PABPC4L: variants seen among roughly 807,000 people sequenced by gnomAD.
The protein encoded by PABPC4L is poly(A) binding protein cytoplasmic 4 like.
For synonymous variants in PABPC4L, 169 were observed against 164.1 expected (o/e 1.03, Z -0.23); for missense variants, 452 against 451.4 (o/e 1.00, Z -0.01).
the PABPC4L span, among the ~76,000 whole-genome samples, chr4:133,950,872 CT>C: frequency 6.6e-6 from 1 of 152,282 alleles, no homozygotes; most frequent in South Asian, 2.1e-4. Flanking sequence ...ACCCATTCCC[CT>C]GTAACAATTA....
chr4:134,017,009 C>T, the PABPC4L span, among the ~76,000 whole-genome samples: 6 of 152,136 alleles, frequency 3.9e-5, no homozygotes, highest in Non-Finnish European at 5.9e-5. Context: ...AGAAGGCCAC[C>T]GCGGTCATTT....
chr4:133,998,967 A>G, the PABPC4L span, among the ~76,000 whole-genome samples: 42 of 152,108 alleles, frequency 2.8e-4, no homozygotes, highest in African/African-American at 8.2e-4. Context: ...GCTGATCAAT[A>G]GACCCTCATT....
At chr4:134,140,754 G>C in the PABPC4L span, among the ~76,000 whole-genome samples, 1 of 151,730 alleles carries the variant, frequency 6.6e-6, no homozygotes, top group Admixed American at 6.6e-5. Context: ...ATATGTAGGA[G>C]TTTTGACTAG....
the PABPC4L span, among the ~76,000 whole-genome samples, chr4:133,971,597 C>A: frequency 6.6e-6 from 1 of 152,250 alleles, no homozygotes; most frequent in African/African-American, 2.4e-5. Context: ...CACTCAGCAA[C>A]CAAAATCTCA....
the PABPC4L span, among the ~76,000 whole-genome samples, chr4:134,153,029 G>A: frequency 6.6e-6 from 1 of 152,070 alleles, no homozygotes; most frequent in Admixed American, 6.6e-5. Context: ...CACTAGAAAG[G>A]TTAATCTAGT....
At chr4:134,151,445 G>A in the PABPC4L span, among the ~76,000 whole-genome samples, 3 of 151,952 alleles carry the variant, frequency 2.0e-5, no homozygotes, top group East Asian at 1.9e-4. Flanking sequence ...AATGTCTTAA[G>A]AATAGAATCG....
At chr4:134,059,826 G>A in the PABPC4L span, among the ~76,000 whole-genome samples, 7 of 151,980 alleles carry the variant, frequency 4.6e-5, no homozygotes, top group South Asian at 4.1e-4. Flanking sequence ...TCATCTCCCC[G>A]ACAGGAATAC....
the PABPC4L span, among the ~76,000 whole-genome samples, chr4:133,995,640 A>G: frequency 3.9e-5 from 6 of 152,156 alleles, no homozygotes; most frequent in Non-Finnish European, 7.4e-5. Flanking sequence ...TTTGGTCCCA[A>G]GCCCTGAGAG....
At chr4:134,117,576 G>A in the PABPC4L span, among the ~76,000 whole-genome samples, 1 of 151,654 alleles carries the variant, frequency 6.6e-6, no homozygotes, top group Non-Finnish European at 1.5e-5. Context: ...TAAAATTATT[G>A]TTGGTTTGAA....
At chr4:134,135,278 T>C in the PABPC4L span, among the ~76,000 whole-genome samples, 1 of 152,142 alleles carries the variant, frequency 6.6e-6, no homozygotes, top group Non-Finnish European at 1.5e-5. Flanking sequence ...CTGATTTTGC[T>C]CTACCATCTG....
the PABPC4L span, among the ~76,000 whole-genome samples, chr4:134,072,870 A>G: frequency 2.6e-5 from 4 of 152,124 alleles, no homozygotes; most frequent in African/African-American, 9.7e-5. Context: ...AACAGATTTC[A>G]TGAGAACTCA....
chr4:134,062,941 G>T, the PABPC4L span, among the ~76,000 whole-genome samples: 5 of 152,188 alleles, frequency 3.3e-5, no homozygotes, highest in East Asian at 9.7e-4. Context: ...CAATGTTAAT[G>T]CTTCATGTTT....
the PABPC4L span, among the ~76,000 whole-genome samples, chr4:133,951,771 G>T: frequency 1.1e-4 from 16 of 152,136 alleles, no homozygotes; most frequent in South Asian, 3.3e-3. Context: ...TACTAGAAGG[G>T]TAACCCCATT....
At position 134,197,003 on chromosome 4, in the gene PABPC4L, G is replaced by C. The variant is rs1307684576; in HGVS notation, c.*2904C>G. ...GATTATGTAAGCATTATCAAATATT[G>C]TTCAAATATTTGAACAGTTTTACAG... On this transcript the variant is annotated 3_prime_UTR_variant, in exon 2 of 2. Transcript: ENST00000421491. 1 of 151,520 alleles carries C rather than the reference G, an allele frequency of 6.6e-6. No homozygotes were observed. Among genetic ancestry groups the C allele is most frequent in the African/African-American group, 2.4e-5 (1 of 41,368 alleles). The allele number at this position is 151,520 out of a possible 1,614,324, so 9.4% of individuals were successfully genotyped here.
chr4:134,009,190 T>A, the PABPC4L span, among the ~76,000 whole-genome samples: 22,709 of 151,770 alleles, frequency 0.15, 2,003 homozygotes, highest in Non-Finnish European at 0.19. Flanking sequence ...ATTAAAAATA[T>A]ACACACATAT....
the PABPC4L span, among the ~76,000 whole-genome samples, chr4:134,156,927 G>C: frequency 6.6e-6 from 1 of 151,880 alleles, no homozygotes; most frequent in African/African-American, 2.4e-5. Context: ...TCTAATTTAG[G>C]TGACAATTCC....
the PABPC4L span, among the ~76,000 whole-genome samples, chr4:133,989,225 T>G: frequency 2.6e-5 from 4 of 152,204 alleles, no homozygotes; most frequent in Non-Finnish European, 4.4e-5. Flanking sequence ...TCCTCATTGC[T>G]TATGCAAATT....
the PABPC4L span, among the ~76,000 whole-genome samples, chr4:133,957,294 G>T: frequency 6.6e-6 from 1 of 152,162 alleles, no homozygotes; most frequent in Non-Finnish European, 1.5e-5. Context: ...CACCATGCTA[G>T]TCCGAAATCT....
chr4:134,057,415 T>C, the PABPC4L span, among the ~76,000 whole-genome samples: 2 of 152,112 alleles, frequency 1.3e-5, no homozygotes, highest in South Asian at 4.1e-4. Context: ...TTTGCTGTGA[T>C]GAAAGTCGGA....
Sources: gnomAD v4.1 joint callset for allele counts (sites outside exome capture counted in the v4.1 genomes callset) on GRCh38, gnomAD v4.1.1 for gene constraint, MANE v1.5 for transcripts, NCBI Gene and HGNC (gene_info 2026-07-23, HGNC 2026-07-21) for gene names.